PHF21A: variants seen among roughly 807,000 people sequenced by gnomAD.
PHF21A encodes the protein PHD finger protein 21A.
Under a neutral mutation model 82.5 loss-of-function variants are expected in PHF21A, and 11 were observed. The observed-to-expected ratio is 0.13, with a 90% CI of 0.08 to 0.22. The LOEUF (loss-of-function observed/expected upper bound fraction) is 0.22, where lower values mean the gene tolerates loss of function less well. Ranked by LOEUF, PHF21A falls within the 10% of genes least tolerant of loss-of-function variation. The probability of loss-of-function intolerance (pLI) is 1.00; values close to 1 mark genes in which losing one functional copy is unlikely to be tolerated. For missense variants in PHF21A, 579 were observed against 837.8 expected, an observed-to-expected ratio of 0.69 and a Z score of 3.81; for synonymous variants, 297 against 302.8, an observed-to-expected ratio of 0.98 and a Z score of 0.20.
At chr11:46,113,404 C>T (rs1324662137) in intron 1 of PHF21A, among the ~76,000 whole-genome samples, 5 of 151,990 alleles carry the variant, frequency 3.3e-5, no homozygotes, top group Non-Finnish European at 7.4e-5. Flanking sequence ...AAAAATCTTA[C>T]GTAGGAGAAG....
At chr11:45,947,903 T>C (rs1286575811) in intron 14 of PHF21A, among the ~76,000 whole-genome samples, 1 of 152,210 alleles carries the variant, frequency 6.6e-6, no homozygotes, top group African/African-American at 2.4e-5. Flanking sequence ...ACAGGACTGA[T>C]GAAACATTAG....
chr11:45,948,067 G>A (rs953215694), intron 14 of PHF21A, among the ~76,000 whole-genome samples: 5 of 152,124 alleles, frequency 3.3e-5, no homozygotes, highest in Admixed American at 6.6e-5. Flanking sequence ...ATGCTACTCC[G>A]CTCACTCTGC....
At chr11:46,106,487 G>T (rs564595630) in intron 1 of PHF21A, among the ~76,000 whole-genome samples, 1 of 152,144 alleles carries the variant, frequency 6.6e-6, no homozygotes, top group Admixed American at 6.5e-5. Context: ...CTGCTCTGAG[G>T]TGTTGGGGGT....
intron 6 of PHF21A, among the ~76,000 whole-genome samples, chr11:46,004,772 T>C (rs887779753): frequency 6.6e-6 from 1 of 152,150 alleles, no homozygotes; most frequent in African/African-American, 2.4e-5. Context: ...AAAGGACTCA[T>C]CATCTAAAAG....
Position 46,006,335 on chromosome 11 carries a change from G to A in PHF21A, c.154-26369C>T, listed in dbSNP as rs547335771. Among the ~76,000 whole-genome samples the A allele has an allele frequency of 7.9e-5, 12 of 152,304 alleles. No individual in the cohort carries two copies. In the South Asian group the frequency reaches 2.1e-3, roughly 26 times the overall value. ...AAATCAGTAAATTCTTAATCTTTCG[G>A]TTGTATATACAATTAGGGCAAAGGC... is the stretch of plus-strand genomic sequence containing the variant. On this transcript the variant is annotated intron_variant, in intron 6 of 18. Coordinates refer to ENST00000676320, the MANE Select transcript of PHF21A (RefSeq NM_001352027.3).
At chr11:46,095,982 C>T (rs934374465) in intron 1 of PHF21A, among the ~76,000 whole-genome samples, 2 of 152,172 alleles carry the variant, frequency 1.3e-5, no homozygotes, top group Non-Finnish European at 2.9e-5. Flanking sequence ...TAGAGGCCCC[C>T]AAACTGAGTT....
intron 6 of PHF21A, among the ~76,000 whole-genome samples, chr11:46,065,301 AG>A (rs2096581259): frequency 6.6e-6 from 1 of 152,192 alleles, no homozygotes. Flanking sequence ...TTCTAATTAA[AG>A]TTTTCCATAA....
At chr11:46,086,195 T>C (rs1040544641) in intron 3 of PHF21A, among the ~76,000 whole-genome samples, 2 of 152,078 alleles carry the variant, frequency 1.3e-5, no homozygotes, top group East Asian at 3.9e-4. Context: ...CTCAGCTCAC[T>C]GCAAGCTCCG....
chr11:46,056,308 A>G (rs543771485), intron 6 of PHF21A, among the ~76,000 whole-genome samples: 22 of 152,276 alleles, frequency 1.4e-4, no homozygotes, highest in African/African-American at 5.3e-4. Context: ...TCAGAGAGTA[A>G]AACAGACTTT....
intron 6 of PHF21A, among the ~76,000 whole-genome samples, chr11:45,982,245 C>T (rs917124601): frequency 1.3e-5 from 2 of 152,064 alleles, no homozygotes; most frequent in African/African-American, 4.8e-5. Flanking sequence ...GCATAAGCCA[C>T]CACGCCCGGC....
At chr11:46,052,961 T>C (rs1251064645) in intron 6 of PHF21A, among the ~76,000 whole-genome samples, 1 of 152,140 alleles carries the variant, frequency 6.6e-6, no homozygotes, top group East Asian at 1.9e-4. Context: ...CAAGATGAAG[T>C]AGAAGAATAA....
At chr11:45,935,042 C>A in intron 18 of PHF21A, 3 of 1,121,486 alleles carry the variant, frequency 2.7e-6, no homozygotes, top group Non-Finnish European at 3.6e-6. Flanking sequence ...TGGCTCCTTG[C>A]CTGGGAGAAG....
intron 6 of PHF21A, among the ~76,000 whole-genome samples, chr11:46,035,608 G>C (rs1191012212): frequency 6.6e-6 from 1 of 152,162 alleles, no homozygotes; most frequent in Non-Finnish European, 1.5e-5. Flanking sequence ...AGGTACACTA[G>C]GGTAAACAAC....
At chr11:45,989,576 GGAGCATC>G (rs2094608969) in intron 6 of PHF21A, among the ~76,000 whole-genome samples, 1 of 151,532 alleles carries the variant, frequency 6.6e-6, no homozygotes, top group South Asian at 2.1e-4. Flanking sequence ...GGCTGAGGCA[GGAGCATC>G]TCTTGGACCC....
chr11:46,113,310 T>G (rs2097244476), intron 1 of PHF21A, among the ~76,000 whole-genome samples: 1 of 152,198 alleles, frequency 6.6e-6, no homozygotes, highest in Non-Finnish European at 1.5e-5. Flanking sequence ...TAAATCAAAT[T>G]TGTATGTTCT....
chr11:46,070,306 T>C (rs532908605), intron 6 of PHF21A, among the ~76,000 whole-genome samples: 1 of 152,268 alleles, frequency 6.6e-6, no homozygotes, highest in Admixed American at 6.5e-5. Flanking sequence ...AATATTATAT[T>C]GAAAAGATCT....
At chr11:46,004,760 C>CTAAA (rs528306728) in intron 6 of PHF21A, among the ~76,000 whole-genome samples, 1 of 152,242 alleles carries the variant, frequency 6.6e-6, no homozygotes, top group South Asian at 2.1e-4. Flanking sequence ...CTCCTCAAGA[C>CTAAA]TAAAGGACTC....
At chr11:46,097,279 G>C (rs895646298) in intron 1 of PHF21A, among the ~76,000 whole-genome samples, 1 of 152,114 alleles carries the variant, frequency 6.6e-6, no homozygotes, top group South Asian at 2.1e-4. Flanking sequence ...ATCATACTCC[G>C]AGAAAAGATG....
chr11:46,045,487 A>G lies in PHF21A; in HGVS notation c.153+31267T>C, dbSNP rs140158336. Among the ~76,000 whole-genome samples the G allele has an allele frequency of 6.8e-3, 1,038 of 152,268 alleles. 10 individuals carry two copies. Among genetic ancestry groups the G allele is most frequent in the African/African-American group, 0.024 (989 of 41,544 alleles). ...GTTTTTAGGACACTACTATTACTCCAGTCTAATTACTTGCTATATTTTACC... is the reference window on the plus strand; with the variant it reads ...GTTTTTAGGACACTACTATTACTCCGGTCTAATTACTTGCTATATTTTACC... On this transcript the variant is annotated intron_variant, in intron 6 of 18. Coordinates refer to ENST00000676320, the MANE Select transcript of PHF21A (RefSeq NM_001352027.3).
Sources: allele counts gnomAD v4.1 joint callset (sites outside exome capture counted in the v4.1 genomes callset), GRCh38; gene constraint gnomAD v4.1.1; transcripts MANE v1.5; gene names NCBI Gene and HGNC (gene_info 2026-07-23, HGNC 2026-07-21).